The following ST3GAL1 variants were observed in gnomAD, a reference collection of about 807,000 sequenced individuals.
ST3GAL1 encodes the protein CMP-N-acetylneuraminate-beta-galactosamide-alpha-2,3-sialyltransferase 1.
A neutral mutation model predicts 34.1 loss-of-function variants in ST3GAL1; 16 were observed. That is an observed-to-expected ratio of 0.47 (90% CI 0.32 to 0.71). The LOEUF (loss-of-function observed/expected upper bound fraction) is 0.71, where lower values mean the gene tolerates loss of function less well. Ranked by LOEUF, ST3GAL1 falls within the 30% of genes least tolerant of loss-of-function variation. The pLI, the probability that ST3GAL1 is intolerant of heterozygous loss-of-function variation, is 0.04. For missense variants in ST3GAL1, 353 were observed against 447.4 expected (o/e 0.79, Z 1.90); for synonymous variants, 191 against 184.7 (o/e 1.03, Z -0.28).
intron 2 of ST3GAL1, among the ~76,000 whole-genome samples, chr8:133,543,524 C>T (rs570276616): frequency 4.6e-5 from 7 of 151,850 alleles, no homozygotes; most frequent in African/African-American, 1.2e-4. Context: ...AAAACCTGGA[C>T]GAAGGAGGTC....
intron 7 of ST3GAL1, 78 bp downstream of exon 7, chr8:133,464,700 A>G: frequency 6.6e-7 from 1 of 1,508,576 alleles, no homozygotes; most frequent in South Asian, 1.3e-5. Flanking sequence ...GAGGCACAGC[A>G]GGACCACGGC....
intron 1 of ST3GAL1, among the ~76,000 whole-genome samples, chr8:133,566,003 A>T (rs73361373): frequency 0.021 from 3,180 of 152,280 alleles, 118 homozygotes; most frequent in African/African-American, 0.073. Flanking sequence ...TTTGACACAA[A>T]TCCCATCCCT....
At chr8:133,505,787 G>C (rs867704792) in intron 2 of ST3GAL1, among the ~76,000 whole-genome samples, 2 of 151,852 alleles carry the variant, frequency 1.3e-5, no homozygotes, top group Non-Finnish European at 2.9e-5. Context: ...ATTTTTAGTG[G>C]AGACAGGGTT....
At chr8:133,561,442 C>G (rs991401092) in intron 1 of ST3GAL1, among the ~76,000 whole-genome samples, 6 of 152,060 alleles carry the variant, frequency 3.9e-5, no homozygotes, top group Non-Finnish European at 5.9e-5. Context: ...CAGGTGGCAG[C>G]TGAGCTCTCT....
intron 3 of ST3GAL1, 110 bp from the exon 4 acceptor site, chr8:133,476,710 TCATGCCAA>T (rs1309648863): frequency 1.3e-5 from 2 of 152,284 alleles, no homozygotes; most frequent in Non-Finnish European, 2.9e-5. Flanking sequence ...CCTTCTGGTG[TCATGCCAA>T]CCTGGCAGGT....
intron 3 of ST3GAL1, among the ~76,000 whole-genome samples, chr8:133,494,295 A>T (rs980190366): frequency 6.6e-6 from 1 of 152,174 alleles, no homozygotes; most frequent in African/African-American, 2.4e-5. Context: ...CAAGATTCTC[A>T]TTCCTATTTG....
rs765701319 is a variant in ST3GAL1, at chr8:133,488,867, C to CGG, written c.-374+10267_-374+10268insCC. On this transcript the variant is annotated intron_variant, in intron 3 of 9. Transcript: ENST00000522652. The stretch of plus-strand genomic sequence containing the variant: ...GGAAGACTGCAGCGGCACTGGCAGA[C>CGG]AGGGGGGGCCAGGCAAGGTCTGGTG... Among the ~76,000 whole-genome samples, 524 of 111,640 alleles carry CGG rather than the reference C, an allele frequency of 4.7e-3. 11 individuals carry two copies. The highest frequency in any genetic ancestry group is 3.0e-3 in the Admixed American group (30 of 10,066). 73.2% of individuals were successfully genotyped at this position (111,640 alleles called of 152,430 possible).
At chr8:133,496,658 C>T (rs1563714282) in intron 3 of ST3GAL1, among the ~76,000 whole-genome samples, 1 of 152,192 alleles carries the variant, frequency 6.6e-6, no homozygotes, top group African/African-American at 2.4e-5. Flanking sequence ...CCTGAGGAGA[C>T]ACCTGGCCCT....
At chr8:133,524,559 A>C (rs867516621) in intron 2 of ST3GAL1, among the ~76,000 whole-genome samples, 9 of 152,258 alleles carry the variant, frequency 5.9e-5, no homozygotes, top group Admixed American at 2.0e-4. Context: ...TTATGCTACC[A>C]GCCTAGATCA....
At chr8:133,471,292 A>C (rs988427722) in intron 5 of ST3GAL1, among the ~76,000 whole-genome samples, 3 of 152,214 alleles carry the variant, frequency 2.0e-5, no homozygotes, top group Non-Finnish European at 2.9e-5. Context: ...CATTCAACTC[A>C]TCACAACTGA....
rs1251268160 is a variant in ST3GAL1, at chr8:133,469,116, T to C, written c.307-3026A>G. On this transcript the variant is annotated intron_variant, in intron 5 of 9. Transcript: ENST00000522652. This position sits in a 1 kb window ranked among gnomAD's most constrained non-coding sequence, Gnocchi z 4.3. The stretch of plus-strand genomic sequence containing the variant: ...CTCGGCCATGGACGTGTGTGGAGAG[T>C]ATGCTGCCTGCTTCACACAGCACCA... 6.6e-6 allele frequency among the ~76,000 whole-genome samples: 1 copy of C among 152,018 alleles called. No homozygotes were observed. Among genetic ancestry groups the C allele is most frequent in the Admixed American group, 6.5e-5 (1 of 15,274 alleles).
At chr8:133,559,738 G>A (rs1048304580) in intron 1 of ST3GAL1, among the ~76,000 whole-genome samples, 1 of 152,214 alleles carries the variant, frequency 6.6e-6, no homozygotes, top group South Asian at 2.1e-4. Flanking sequence ...CGACGCTGAC[G>A]ATTCCTTTTA....
At chr8:133,523,689 T>C (rs1817877139) in intron 2 of ST3GAL1, among the ~76,000 whole-genome samples, 1 of 152,156 alleles carries the variant, frequency 6.6e-6, no homozygotes, top group African/African-American at 2.4e-5. Context: ...GTACCAGATT[T>C]ATGACCAATT....
chr8:133,541,018 C>CAGACATATATATAGACATATAT (rs1818492522), intron 2 of ST3GAL1, among the ~76,000 whole-genome samples: 1 of 23,126 alleles, frequency 4.3e-5, no homozygotes, highest in Non-Finnish European at 7.5e-5. Flanking sequence ...CATATATATG[C>CAGACATATATATAGACATATAT]AGACATATAT....
chr8:133,524,427 AG>A lies in ST3GAL1; in HGVS notation c.-429+21346del, dbSNP rs145438688. Among the ~76,000 whole-genome samples the A allele has an allele frequency of 6.1e-3, 927 of 152,350 alleles. 13 individuals are homozygous for A. The highest frequency in any genetic ancestry group is 0.021 in the African/African-American group (879 of 41,590). On this transcript the variant is annotated intron_variant, in intron 2 of 9. Transcript: ENST00000522652. ...GCAGGTGAGCAGATCCTGATGTCAC[AG>A]GATCCTTGGGTGTCACTTTGCCAGC...
intron 2 of ST3GAL1, among the ~76,000 whole-genome samples, chr8:133,514,039 C>T (rs1454711906): frequency 6.6e-6 from 1 of 152,148 alleles, no homozygotes; most frequent in African/African-American, 2.4e-5. Context: ...CCATAATAAA[C>T]ACAAAGAGCT....
chr8:133,540,270 C>T lies in ST3GAL1; in HGVS notation c.-429+5504G>A, dbSNP rs116499927. 3.5e-3 allele frequency among the ~76,000 whole-genome samples: 532 copies of T among 152,298 alleles called. 3 individuals carry two copies. Among genetic ancestry groups the T allele is most frequent in the African/African-American group, 0.011 (472 of 41,564 alleles). ...TGCTGCTCTTAAAGGTTATCAGCAA[C>T]GGAAATTCCAACAGCTCCTCGCTGC... On this transcript the variant is annotated intron_variant, in intron 2 of 9. Coordinates refer to ENST00000522652, the MANE Select transcript of ST3GAL1 (RefSeq NM_173344.3).
At chr8:133,566,545 G>T (rs994975841) in intron 1 of ST3GAL1, among the ~76,000 whole-genome samples, 23 of 152,190 alleles carry the variant, frequency 1.5e-4, no homozygotes, top group African/African-American at 5.5e-4. Context: ...ATTGCAGGGG[G>T]TGATCACCCA....
intron 2 of ST3GAL1, among the ~76,000 whole-genome samples, chr8:133,534,915 T>C (rs1003743397): frequency 6.6e-6 from 1 of 152,034 alleles, no homozygotes; most frequent in Non-Finnish European, 1.5e-5. Context: ...GAATAAAGCA[T>C]AGGCTACCAC....
Sources: allele counts gnomAD v4.1 joint callset (sites outside exome capture counted in the v4.1 genomes callset), GRCh38; gene constraint gnomAD v4.1.1; non-coding constraint Gnocchi (gnomAD v3.1); transcripts MANE v1.5; gene names NCBI Gene and HGNC (gene_info 2026-07-23, HGNC 2026-07-21).